The following TPM3 variants were observed in gnomAD, a reference collection of about 807,000 sequenced individuals.
TPM3 encodes the protein tropomyosin 3.
TPM3 carries 16 observed loss-of-function variants against 43.1 expected under a neutral mutation model. That is an observed-to-expected ratio of 0.37 (90% CI 0.25 to 0.56). TPM3 has a LOEUF of 0.56. Ranked by LOEUF, TPM3 falls within the 20% of genes least tolerant of loss-of-function variation. The pLI is 0.77. For missense variants in TPM3, 176 were observed against 337.2 expected, an observed-to-expected ratio of 0.52 and a Z score of 3.74; for synonymous variants, 101 against 116.9, an observed-to-expected ratio of 0.86 and a Z score of 0.88.
chr1:154,171,040 AACAC>A (rs1407232993), intron 6 of TPM3: 1 of 527,240 alleles, frequency 1.9e-6, no homozygotes, highest in Non-Finnish European at 3.4e-6. Flanking sequence ...ACATGACTGA[AACAC>A]ACCCACATGA....
Position 154,182,084 on chromosome 1 carries a change from C to A in TPM3, c.244-5836G>T, listed in dbSNP as rs193143947. Among the ~76,000 whole-genome samples, 20 of 152,346 alleles carry A rather than the reference C, an allele frequency of 1.3e-4. No homozygotes were observed. The East Asian group carries it at 3.5e-3, about 26-fold the overall frequency. On this transcript the variant is annotated intron_variant, in intron 2 of 9. Transcript: ENST00000651641. ...AATCAGAAACCTTGAGACTGGCACA[C>A]CATCTGATTCTCTGCCATACACTCG... is the stretch of plus-strand genomic sequence containing the variant.
intron 3 of TPM3, among the ~76,000 whole-genome samples, chr1:154,175,330 C>CAA (rs34360728): frequency 0.13 from 11,562 of 88,624 alleles, 1,266 homozygotes; most frequent in African/African-American, 0.3. Flanking sequence ...GACTCTGTCT[C>CAA]AAAAAAAAAA....
downstream of TPM3, among the ~76,000 whole-genome samples, chr1:154,157,946 T>G (rs562166244): frequency 4.6e-5 from 7 of 152,104 alleles, no homozygotes; most frequent in Non-Finnish European, 5.9e-5. Flanking sequence ...GTTAGGGCCC[T>G]TATCAGCCAT....
chr1:154,191,955 G>A lies in TPM3; in HGVS notation c.64C>T (p.Arg22Trp), dbSNP rs1414707302. ...TGCTCAGCTTCAGCTTGCTCTGCCC[G>A]ATCCAGAGCATTCTCCTTGTCTAAC... ...LKLDKENALD[R>W]AEQAEAEQKQ... Residue 22 changes from arginine (R) to tryptophan (W), a missense_variant, in exon 1 of 10, where the codon CGG (arginine) becomes TGG (tryptophan). By Grantham distance (101) the Arg-to-Trp change is moderately radical (BLOSUM62 -3). This residue lies in a region of TPM3 where 82 missense variants were observed against 148.8 expected (regional missense o/e 0.55). Transcript: ENST00000651641. 8 of 1,613,738 alleles carry A rather than the reference G, an allele frequency of 5.0e-6. No individual in the cohort carries two copies. Among genetic ancestry groups the A allele is most frequent in the African/African-American group, 1.3e-5 (1 of 74,904 alleles).
intron 2 of TPM3, among the ~76,000 whole-genome samples, chr1:154,185,633 C>T (rs1010648462): frequency 6.6e-6 from 1 of 150,752 alleles, no homozygotes; most frequent in Non-Finnish European, 1.5e-5. Context: ...TTGCTTGAAC[C>T]CAGAAGGCAG....
Position 154,168,273 on chromosome 1 carries a change from T to C in TPM3, c.855-333A>G, listed in dbSNP as rs950874846. 4.6e-5 allele frequency among the ~76,000 whole-genome samples: 7 copies of C among 152,316 alleles called. 1 individual carries two copies. Among genetic ancestry groups the C allele is most frequent in the Middle Eastern group, 6.8e-3 (2 of 294 alleles). ...CCATCTTGGGTAGTTCCCTGAACTT[T>C]AATATCAGGGAACCAATTAAACACA... On this transcript the variant is annotated intron_variant, in intron 9 of 9. Coordinates refer to ENST00000651641, the MANE Select transcript of TPM3 (RefSeq NM_152263.4).
chr1:154,171,451 T>C lies in TPM3; in HGVS notation c.604A>G (p.Thr202Ala). Residue 202 changes from threonine to alanine, a missense_variant, in exon 6 of 10, where the codon ACC becomes GCC. Physicochemically the swap from Thr to Ala is moderately conservative, Grantham distance 58. Around this residue, in one of 4 missense-constraint regions of TPM3, gnomAD observed 53 missense variants for 98.3 expected, o/e 0.54. Transcript: ENST00000651641. ...GCCTCAAGAGACTTGAGGTTGTTGGTGACATTCTTCAGCTCCTCCTCCAGC... is the reference window on the plus strand; with the variant it reads ...GCCTCAAGAGACTTGAGGTTGTTGGCGACATTCTTCAGCTCCTCCTCCAGC... The part of the protein sequence containing the change: ...SELEEELKNV[T>A]NNLKSLEAQA... 6.2e-7 allele frequency: 1 copy of C among 1,614,164 alleles called. No homozygotes were observed. The highest frequency in any genetic ancestry group is 1.1e-5 in the South Asian group (1 of 91,086).
At chr1:154,180,883 C>T (rs1265650302) in intron 2 of TPM3, among the ~76,000 whole-genome samples, 1 of 151,790 alleles carries the variant, frequency 6.6e-6, no homozygotes, top group African/African-American at 2.4e-5. Context: ...AGAGATCGTG[C>T]AACTGCATTC....
chr1:154,184,376 C>T (rs1488944561), intron 2 of TPM3, among the ~76,000 whole-genome samples: 1 of 152,074 alleles, frequency 6.6e-6, no homozygotes, highest in Non-Finnish European at 1.5e-5. Context: ...CCCCTCCAAA[C>T]CTTGGAATGA....
At chr1:154,160,289 T>A (rs1212630362), downstream of TPM3, among the ~76,000 whole-genome samples, 1 of 152,216 alleles carries the variant, frequency 6.6e-6, no homozygotes, top group Admixed American at 6.5e-5. Context: ...TCTCAGGATC[T>A]CAATATGAAA....
Position 154,165,197 on chromosome 1 carries a change from C to G in TPM3, c.*2740G>C, listed in dbSNP as rs998437131. On this transcript the variant is annotated 3_prime_UTR_variant, in exon 10 of 10. Transcript: ENST00000651641. The stretch of plus-strand genomic sequence containing the variant: ...AGGAGTTCGCGACCAGCCTGGCCAA[C>G]ATGCTGAAACCCCGTCCGTACTAAA... Among the ~76,000 whole-genome samples the G allele has an allele frequency of 6.6e-6, 1 of 151,752 alleles. No homozygotes were observed. Among genetic ancestry groups the G allele is most frequent in the Non-Finnish European group, 1.5e-5 (1 of 67,968 alleles).
At chr1:154,175,455 G>T (rs1318735166) in intron 3 of TPM3, among the ~76,000 whole-genome samples, 2 of 151,934 alleles carry the variant, frequency 1.3e-5, no homozygotes, top group African/African-American at 4.8e-5. Flanking sequence ...ATTCCCCAGT[G>T]ATTTCCCCCC....
At chr1:154,155,958 G>A (rs1459608320), downstream of TPM3, 4 of 187,364 alleles carry the variant, frequency 2.1e-5, no homozygotes, top group East Asian at 8.6e-5. Flanking sequence ...AGCTGGGTGC[G>A]GTGGCTCACG....
chr1:154,175,803 A>G (rs902216811), intron 3 of TPM3, among the ~76,000 whole-genome samples: 5 of 152,232 alleles, frequency 3.3e-5, no homozygotes, highest in Non-Finnish European at 5.9e-5. Flanking sequence ...TACTGTCTTC[A>G]AGGGGACAGA....
At position 154,166,345 on chromosome 1, in the gene TPM3, A is replaced by G. The variant is rs1391882683; in HGVS notation, c.*1592T>C. 4.2e-6 allele frequency: 1 copy of G among 240,532 alleles called. No individual in the cohort carries two copies. Among genetic ancestry groups the G allele is most frequent in the East Asian group, 6.3e-5 (1 of 15,894 alleles). The allele number at this position is 240,532 out of a possible 1,614,324, so 14.9% of individuals were successfully genotyped here. On this transcript the variant is annotated 3_prime_UTR_variant, in exon 10 of 10. Coordinates refer to ENST00000651641, the MANE Select transcript of TPM3 (RefSeq NM_152263.4). Reference sequence around the variant, plus strand: ...CAGCACAGGAATTTTGACCTGCTCCATTTCCGACCTGGGCCAGTTCACCCC... The same window carrying G: ...CAGCACAGGAATTTTGACCTGCTCCGTTTCCGACCTGGGCCAGTTCACCCC...
chr1:154,170,904 T>C lies in TPM3; in HGVS notation c.643-193A>G, dbSNP rs566361938. The C allele has an allele frequency of 1.4e-4, 85 of 605,870 alleles. 1 individual carries two copies. In the South Asian group the frequency reaches 1.6e-3, roughly 12 times the overall value. 37.5% of individuals were successfully genotyped at this position (605,870 alleles called of 1,614,324 possible). On this transcript the variant is annotated intron_variant, in intron 6 of 9. Transcript: ENST00000651641. ...AATCTATGTCTTTAGAGCCATGAGA[T>C]CCTCAGGTTAAAATTCTCCATGACT...
chr1:154,188,674 C>CAAAAA (rs572467862), intron 2 of TPM3, among the ~76,000 whole-genome samples: 1 of 59,510 alleles, frequency 1.7e-5, no homozygotes, highest in Non-Finnish European at 3.6e-5. Context: ...GACTCCGTCT[C>CAAAAA]AAAAAAAAAA....
intron 2 of TPM3, among the ~76,000 whole-genome samples, chr1:154,181,524 C>G (rs906614169): frequency 2.8e-4 from 42 of 152,306 alleles, no homozygotes; most frequent in African/African-American, 8.9e-4. Flanking sequence ...AGCCTCAACT[C>G]GTATCAGCTC....
rs1660812070 is a variant in TPM3 at position 154,165,226 on chromosome 1, A to G, written c.*2711T>C. Among the ~76,000 whole-genome samples the G allele has an allele frequency of 6.6e-6, 1 of 151,696 alleles. No individual in the cohort carries two copies. The highest frequency in any genetic ancestry group is 6.6e-5 in the Admixed American group (1 of 15,216). On this transcript the variant is annotated 3_prime_UTR_variant, in exon 10 of 10. Coordinates refer to ENST00000651641, the MANE Select transcript of TPM3 (RefSeq NM_152263.4). Reference sequence around the variant, plus strand: ...CTGAAACCCCGTCCGTACTAAAAATACAAAAATCAGCTGGGCATGGTGGTG... The same window carrying G: ...CTGAAACCCCGTCCGTACTAAAAATGCAAAAATCAGCTGGGCATGGTGGTG...
Sources: allele counts gnomAD v4.1 joint callset (sites outside exome capture counted in the v4.1 genomes callset), GRCh38; gene constraint gnomAD v4.1.1; regional missense constraint gnomAD v4.1.1; transcripts MANE v1.5; gene names NCBI Gene and HGNC (gene_info 2026-07-23, HGNC 2026-07-21).